CEP128: variants seen among roughly 807,000 people sequenced by gnomAD.
CEP128 encodes centrosomal protein 128.
CEP128 carries 132 observed loss-of-function variants against 156.7 expected under a neutral mutation model. That is an observed-to-expected ratio of 0.84 (90% CI 0.73 to 0.97). The LOEUF (loss-of-function observed/expected upper bound fraction) is 0.97, where lower values mean the gene tolerates loss of function less well. CEP128 is among the 50% of genes least tolerant of loss of function. CEP128 has a pLI of 0.00. For synonymous variants in CEP128, 469 were observed against 448.9 expected (o/e 1.04, Z -0.57); for missense variants, 1,252 against 1,281.9 (o/e 0.98, Z 0.36).
chr14:80,740,508 A>AGAT lies in CEP128; in HGVS notation c.2806+2564_2806+2566dup, dbSNP rs201592571. ...CATATTTATATCTAGATAGATAGAT[A>AGAT]GATAGATAGATAGATAGATAGATAG... On this transcript the variant is annotated intron_variant, in intron 19 of 24. Transcript: ENST00000555265. 2.7e-3 allele frequency among the ~76,000 whole-genome samples: 304 copies of AGAT among 113,732 alleles called. 2 individuals carry two copies. Among genetic ancestry groups the AGAT allele is most frequent in the African/African-American group, 8.5e-3 (292 of 34,228 alleles). The allele number at this position is 113,732 out of a possible 152,430, so 74.6% of individuals were successfully genotyped here.
At position 80,756,956 on chromosome 14, in the gene CEP128, A is replaced by C; in HGVS notation, c.2554-5T>G. ...ATCAGGACCAGATGAAAAAACCTAC[A>C]AAAGAGAAAACAGTCGATTAGAAAT... On this transcript the variant is annotated splice_polypyrimidine_tract_variant and splice_region_variant and intron_variant, in intron 17 of 24. Transcript: ENST00000555265. The C allele has an allele frequency of 6.3e-7, 1 of 1,579,286 alleles. No individual in the cohort carries two copies. Among genetic ancestry groups the C allele is most frequent in the Non-Finnish European group, 8.7e-7 (1 of 1,152,454 alleles).
At chr14:80,667,138 C>T (rs1182434733) in intron 19 of CEP128, among the ~76,000 whole-genome samples, 1 of 152,098 alleles carries the variant, frequency 6.6e-6, no homozygotes, top group Non-Finnish European at 1.5e-5. Flanking sequence ...TATGGAGACC[C>T]AAAATGCTCA....
At chr14:80,860,372 T>C (rs1887456769) in intron 9 of CEP128, among the ~76,000 whole-genome samples, 3 of 152,194 alleles carry the variant, frequency 2.0e-5, no homozygotes. Flanking sequence ...AAATCACAGC[T>C]GAAGCTTTTA....
At chr14:80,599,518 A>G (rs888594338) in intron 19 of CEP128, among the ~76,000 whole-genome samples, 1 of 151,090 alleles carries the variant, frequency 6.6e-6, no homozygotes, top group Non-Finnish European at 1.5e-5. Context: ...CTCGTGATCC[A>G]CCCGCCTTAG....
chr14:80,911,120 T>C (rs915526485), intron 4 of CEP128, among the ~76,000 whole-genome samples: 2 of 152,142 alleles, frequency 1.3e-5, no homozygotes, highest in African/African-American at 2.4e-5. Context: ...CGCAAAAGGA[T>C]TGACTACACT....
At chr14:80,518,340 A>T (rs1240081583) in intron 23 of CEP128, among the ~76,000 whole-genome samples, 1 of 151,820 alleles carries the variant, frequency 6.6e-6, no homozygotes, top group African/African-American at 2.4e-5. Flanking sequence ...AGGGATTCTT[A>T]GTCGCCCTAG....
chr14:80,771,397 C>T (rs755588642), intron 16 of CEP128, among the ~76,000 whole-genome samples: 1 of 152,134 alleles, frequency 6.6e-6, no homozygotes. Flanking sequence ...TCAGTTTCTA[C>T]CATCTGTAGA....
chr14:80,561,925 T>G (rs900028083), intron 20 of CEP128, among the ~76,000 whole-genome samples: 2 of 150,630 alleles, frequency 1.3e-5, no homozygotes, highest in African/African-American at 2.5e-5. Flanking sequence ...TGTTTTGTTT[T>G]GTTTTTGTTT....
intron 9 of CEP128, among the ~76,000 whole-genome samples, chr14:80,856,144 A>C (rs1231583781): frequency 6.6e-6 from 1 of 152,202 alleles, no homozygotes; most frequent in Non-Finnish European, 1.5e-5. Context: ...CTCAGAACAG[A>C]CTAAAAGCCA....
At chr14:80,740,539 T>C (rs61979420) in intron 19 of CEP128, among the ~76,000 whole-genome samples, 24,271 of 130,904 alleles carry the variant, frequency 0.19, 2,254 homozygotes, top group East Asian at 0.28. Flanking sequence ...GATAGATAGA[T>C]AGATAGACAG....
At chr14:80,683,167 A>C (rs1368784076) in intron 19 of CEP128, among the ~76,000 whole-genome samples, 1 of 152,204 alleles carries the variant, frequency 6.6e-6, no homozygotes, top group South Asian at 2.1e-4. Context: ...GTCCAACTTT[A>C]AAGGCACAGG....
chr14:80,709,413 C>T (rs977161484), intron 19 of CEP128, among the ~76,000 whole-genome samples: 1 of 152,146 alleles, frequency 6.6e-6, no homozygotes, highest in Non-Finnish European at 1.5e-5. Context: ...GGTGGGATTA[C>T]AGGCATGAGC....
intron 2 of CEP128, among the ~76,000 whole-genome samples, chr14:80,933,088 C>T (rs1285350398): frequency 1.3e-5 from 2 of 152,114 alleles, no homozygotes; most frequent in African/African-American, 4.8e-5. Flanking sequence ...GCCCCACCCC[C>T]TACTCAGATT....
chr14:80,849,309 G>A (rs1319473538), intron 9 of CEP128, among the ~76,000 whole-genome samples: 2 of 152,134 alleles, frequency 1.3e-5, no homozygotes, highest in African/African-American at 2.4e-5. Flanking sequence ...CACAGGTCAG[G>A]AGGAGAAAGA....
intron 8 of CEP128, among the ~76,000 whole-genome samples, chr14:80,873,027 C>T (rs1888104335): frequency 6.6e-6 from 1 of 152,146 alleles, no homozygotes; most frequent in East Asian, 1.9e-4. Flanking sequence ...ACACAAAGCA[C>T]AAAACAAGGT....
At chr14:80,706,798 G>C (rs779143096) in intron 19 of CEP128, among the ~76,000 whole-genome samples, 11 of 152,006 alleles carry the variant, frequency 7.2e-5, no homozygotes, top group Non-Finnish European at 1.2e-4. Context: ...TATTGTCCCT[G>C]TGGCTCTGTT....
intron 21 of CEP128, among the ~76,000 whole-genome samples, chr14:80,543,285 G>A (rs1323490003): frequency 4.6e-5 from 7 of 152,158 alleles, no homozygotes; most frequent in African/African-American, 7.2e-5. Flanking sequence ...CAAAGCAGAC[G>A]GAAGCAGAGA....
intron 8 of CEP128, among the ~76,000 whole-genome samples, chr14:80,878,492 C>G (rs993744814): frequency 6.6e-6 from 1 of 152,204 alleles, no homozygotes; most frequent in African/African-American, 2.4e-5. Flanking sequence ...TAGGTTACTA[C>G]CATATCCCAC....
chr14:80,500,238 G>T (rs148855279), intron 24 of CEP128, among the ~76,000 whole-genome samples: 30 of 152,104 alleles, frequency 2.0e-4, no homozygotes, highest in Admixed American at 5.9e-4. Flanking sequence ...CTATGCTTTA[G>T]TTTGGTCACA....
Sources: gnomAD v4.1 joint callset for allele counts (sites outside exome capture counted in the v4.1 genomes callset) on GRCh38, gnomAD v4.1.1 for gene constraint, MANE v1.5 for transcripts, NCBI Gene and HGNC (gene_info 2026-07-23, HGNC 2026-07-21) for gene names.